EYS: variants seen among roughly 807,000 people sequenced by gnomAD.
EYS encodes protein eyes shut homolog.
A neutral mutation model predicts 282.1 loss-of-function variants in EYS; 250 were observed. That is an observed-to-expected ratio of 0.89 (90% CI 0.80 to 0.98). EYS has a LOEUF of 0.98. Ranked by LOEUF, EYS falls within the 50% of genes least tolerant of loss-of-function variation. The pLI, the probability that EYS is intolerant of heterozygous loss-of-function variation, is 0.00. For synonymous variants in EYS, 1,355 were observed against 1,282.9 expected (o/e 1.06, Z -1.20); for missense variants, 4,016 against 3,709.0 (o/e 1.08, Z -2.15).
chr6:64,425,166 G>C (rs902022791), intron 28 of EYS, among the ~76,000 whole-genome samples: 6 of 152,280 alleles, frequency 3.9e-5, no homozygotes, highest in Admixed American at 3.9e-4. Flanking sequence ...ACACAGGCAG[G>C]AACACAACCA....
intron 22 of EYS, among the ~76,000 whole-genome samples, chr6:64,770,933 G>C (rs957876743): frequency 2.6e-5 from 4 of 151,618 alleles, no homozygotes; most frequent in Non-Finnish European, 1.5e-5. Flanking sequence ...TTGATCAAGA[G>C]GGATATAATA....
At chr6:63,867,669 T>C (rs1273338103) in intron 35 of EYS, among the ~76,000 whole-genome samples, 1 of 152,180 alleles carries the variant, frequency 6.6e-6, no homozygotes, top group Non-Finnish European at 1.5e-5. Flanking sequence ...GTATCAAGTA[T>C]TTTAAGGCCT....
chr6:65,542,528 A>G (rs1195971118), intron 2 of EYS, among the ~76,000 whole-genome samples: 4 of 151,038 alleles, frequency 2.6e-5, no homozygotes. Context: ...GGAAACACTA[A>G]GGATATGTGT....
intron 41 of EYS, among the ~76,000 whole-genome samples, chr6:63,752,160 C>A (rs1262404631): frequency 6.6e-6 from 1 of 152,080 alleles, no homozygotes; most frequent in African/African-American, 2.4e-5. Flanking sequence ...TCCTTTCAAT[C>A]AATAACTAGG....
At chr6:63,909,268 C>A (rs1383980056) in intron 35 of EYS, among the ~76,000 whole-genome samples, 1 of 152,172 alleles carries the variant, frequency 6.6e-6, no homozygotes, top group Non-Finnish European at 1.5e-5. Flanking sequence ...CTCATTTTAT[C>A]AGCACAATCC....
At chr6:65,337,594 T>G (rs1007851241) in intron 10 of EYS, among the ~76,000 whole-genome samples, 18 of 151,130 alleles carry the variant, frequency 1.2e-4, no homozygotes, top group Non-Finnish European at 2.2e-4. Context: ...TACTGTGCTT[T>G]TCTTTAAAAA....
chr6:64,533,957 G>A (rs1261954992), intron 26 of EYS, among the ~76,000 whole-genome samples: 1 of 151,850 alleles, frequency 6.6e-6, no homozygotes, highest in East Asian at 1.9e-4. Context: ...AGGACATAGA[G>A]AGATAAGAAT....
At chr6:65,030,778 T>C (rs1016429441) in intron 13 of EYS, among the ~76,000 whole-genome samples, 5 of 152,126 alleles carry the variant, frequency 3.3e-5, no homozygotes, top group Non-Finnish European at 7.4e-5. Flanking sequence ...AACAACAAAA[T>C]GACAGGATCA....
chr6:64,523,456 A>T lies in EYS; in HGVS notation c.5644+66767T>A, dbSNP rs181214566. On this transcript the variant is annotated intron_variant, in intron 26 of 42. Transcript: ENST00000503581. ...TTCATATATTAGTACTCGCATACAC[A>T]ATTATTAACAAATCAGGAAATTTCT... 1.2e-3 allele frequency among the ~76,000 whole-genome samples: 188 copies of T among 151,906 alleles called. 1 individual carries two copies. Among genetic ancestry groups the T allele is most frequent in the Non-Finnish European group, 2.1e-3 (144 of 67,794 alleles).
intron 31 of EYS, among the ~76,000 whole-genome samples, chr6:64,142,526 G>A (rs374141303): frequency 7.9e-5 from 12 of 152,178 alleles, no homozygotes; most frequent in South Asian, 2.1e-4. Context: ...AAGGGAAAAC[G>A]AGAAGTATTT....
At chr6:64,998,680 C>T (rs367592584) in intron 13 of EYS, among the ~76,000 whole-genome samples, 58 of 152,254 alleles carry the variant, frequency 3.8e-4, no homozygotes, top group African/African-American at 1.3e-3. Flanking sequence ...TAGTTTTTAA[C>T]CTCTCATTGA....
At chr6:64,124,087 A>G (rs1349994402) in intron 31 of EYS, among the ~76,000 whole-genome samples, 3 of 152,216 alleles carry the variant, frequency 2.0e-5, no homozygotes, top group African/African-American at 7.2e-5. Context: ...CAATATAAAG[A>G]AAAGGCAGGG....
chr6:64,658,320 G>A (rs929403735), intron 22 of EYS, among the ~76,000 whole-genome samples: 4 of 145,906 alleles, frequency 2.7e-5, no homozygotes, highest in African/African-American at 7.7e-5. Flanking sequence ...TAGCTCGGAA[G>A]TTTGATCGTC....
intron 15 of EYS, among the ~76,000 whole-genome samples, chr6:64,936,885 C>CA (rs908710460): frequency 9.3e-5 from 14 of 151,016 alleles, no homozygotes; most frequent in African/African-American, 3.2e-4. Context: ...AATGATGGAA[C>CA]AAAAAAATAA....
At chr6:64,386,484 A>C (rs565891096) in intron 29 of EYS, among the ~76,000 whole-genome samples, 2 of 152,260 alleles carry the variant, frequency 1.3e-5, no homozygotes, top group African/African-American at 4.8e-5. Flanking sequence ...GGAGAACAGT[A>C]TGGGGAACAG....
At chr6:63,917,355 C>G (rs1274672801) in intron 35 of EYS, among the ~76,000 whole-genome samples, 1 of 152,154 alleles carries the variant, frequency 6.6e-6, no homozygotes, top group Non-Finnish European at 1.5e-5. Context: ...TAGTTAAGAC[C>G]TTAATATTTA....
At position 64,321,197 on chromosome 6, in the gene EYS, A is replaced by C. The variant is rs1770208179; in HGVS notation, c.6079-14115T>G. ...AAATCCCTCTTTTTGTTATTCAAAT[A>C]CTATGAACACTTATTAATTTTAATC... is the stretch of plus-strand genomic sequence containing the variant. On this transcript the variant is annotated intron_variant, in intron 29 of 42. Transcript: ENST00000503581. Among the ~76,000 whole-genome samples, 3 of 151,746 alleles carry C rather than the reference A, an allele frequency of 2.0e-5. No individual in the cohort carries two copies. The South Asian group carries it at 6.2e-4, about 31-fold the overall frequency.
intron 33 of EYS, among the ~76,000 whole-genome samples, chr6:64,047,427 C>T (rs918371142): frequency 6.6e-6 from 1 of 152,040 alleles, no homozygotes; most frequent in Non-Finnish European, 1.5e-5. Context: ...AATAAACAGG[C>T]TCAAATTTTC....
At chr6:64,276,832 G>A (rs1474218041) in intron 30 of EYS, among the ~76,000 whole-genome samples, 2 of 152,038 alleles carry the variant, frequency 1.3e-5, no homozygotes, top group African/African-American at 4.8e-5. Flanking sequence ...CATTAGTCTA[G>A]GTTCATTTCT....
Sources: gnomAD v4.1 joint callset for allele counts (sites outside exome capture counted in the v4.1 genomes callset) on GRCh38, gnomAD v4.1.1 for gene constraint, MANE v1.5 for transcripts, NCBI Gene and HGNC (gene_info 2026-07-23, HGNC 2026-07-21) for gene names.